Variants in CADM4 observed in about 807,000 individuals in gnomAD.
The protein encoded by CADM4 is TSLC1-like 2.
Under a neutral mutation model 43.9 loss-of-function variants are expected in CADM4, and 13 were observed. The observed-to-expected ratio is 0.30, with a 90% CI of 0.19 to 0.47. CADM4 has a LOEUF of 0.47. Among genes scored for constraint, CADM4 ranks in the 20% least tolerant of loss-of-function variants. The pLI is 1.00. For missense variants in CADM4, 420 were observed against 527.0 expected (o/e 0.80, Z 1.99); for synonymous variants, 209 against 220.9 (o/e 0.95, Z 0.48).
chr19:43,627,227 G>A lies in CADM4; in HGVS notation c.303C>T (p.Gly101=), dbSNP rs1195700837. ...CTTCTGTGTAGAGCTGGCAGAAATA[G>A]CCCCCCTCGTCCTCCAGGCGGGCAT... is the stretch of plus-strand genomic sequence containing the variant. ...LSDARLEDEG[G]YFCQLYTEDT... Residue 101 remains glycine, a synonymous_variant, in exon 3 of 9, where the codon GGC becomes GGT. Transcript: ENST00000222374. The surrounding 1 kb of genome is among the most constrained non-coding windows in gnomAD (Gnocchi z 4.0). 3.7e-6 allele frequency: 6 copies of A among 1,603,432 alleles called. No homozygotes were observed. The highest frequency in any genetic ancestry group is 5.1e-6 in the Non-Finnish European group (6 of 1,174,608).
chr19:43,624,371 A>T, intron 7 of CADM4, 129 bp from the exon 8 acceptor site: 1 of 1,107,108 alleles, frequency 9.0e-7, no homozygotes, highest in South Asian at 1.5e-5. Flanking sequence ...ACCCCTCAAA[A>T]ATTACTGCCA....
intron 8 of CADM4, 50 bp downstream of exon 8, chr19:43,624,064 C>A: frequency 6.2e-7 from 1 of 1,604,560 alleles, no homozygotes; most frequent in Admixed American, 1.7e-5. Context: ...CCGCCTCTTT[C>A]CGAGCCCTAC....
intron 1 of CADM4, among the ~76,000 whole-genome samples, chr19:43,628,829 A>G (rs1600097748): frequency 6.6e-6 from 1 of 152,222 alleles, no homozygotes; most frequent in Admixed American, 6.5e-5. Flanking sequence ...AGCCAGCACC[A>G]ATCGCCAGCT....
Position 43,639,249 on chromosome 19 carries a change from GAGGT to G in CADM4, c.64+474_64+477del, listed in dbSNP as rs567570178. On this transcript the variant is annotated intron_variant, in intron 1 of 8. Coordinates refer to ENST00000222374, the MANE Select transcript of CADM4 (RefSeq NM_145296.2). ...AAAAGGGGACAGAGACCAGGGGACA[GAGGT>G]AGGGGACAAAGACAGAATAGATGAG... is the stretch of plus-strand genomic sequence containing the variant. Among the ~76,000 whole-genome samples the G allele has an allele frequency of 1.3e-4, 19 of 151,990 alleles. 1 individual carries two copies. The East Asian group carries it at 3.7e-3, about 30-fold the overall frequency.
chr19:43,633,366 G>C (rs1006636926), intron 1 of CADM4, among the ~76,000 whole-genome samples: 1 of 151,956 alleles, frequency 6.6e-6, no homozygotes, highest in Non-Finnish European at 1.5e-5. Flanking sequence ...GAGCCACTGC[G>C]CCTGGCCCAG....
chr19:43,625,906 C>G lies in CADM4; in HGVS notation c.755+5G>C. On this transcript the variant is annotated splice_donor_5th_base_variant and intron_variant, in intron 6 of 8. Coordinates refer to ENST00000222374, the MANE Select transcript of CADM4 (RefSeq NM_145296.2). This position sits in a 1 kb window ranked among gnomAD's most constrained non-coding sequence, Gnocchi z 4.5. ...CTGAGGACGCAGGAGGCCCCCAGAG[C>G]TCACCTGGGGTTCCCCGTGACAGCA... 1 of 1,613,276 alleles carries G rather than the reference C, an allele frequency of 6.2e-7. No individual in the cohort carries two copies. Among genetic ancestry groups the G allele is most frequent in the Non-Finnish European group, 8.5e-7 (1 of 1,179,246 alleles).
rs1312573657 is a variant in CADM4 at position 43,624,314 on chromosome 19, TTTTAAGCCA to T, written c.929-81_929-73del. 4 of 1,601,634 alleles carry T rather than the reference TTTTAAGCCA, an allele frequency of 2.5e-6. No individual in the cohort carries two copies. In the Admixed American group the frequency reaches 6.7e-5, roughly 27 times the overall value. ...CAGTCTGGCCCCATCGCTGCCAAGC[TTTTAAGCCA>T]TTCTGCACACGTCTAACCGTGCCCT... is the stretch of plus-strand genomic sequence containing the variant. On this transcript the variant is annotated intron_variant, in intron 7 of 8. Transcript: ENST00000222374.
At chr19:43,639,851 GCCCGCCCCGCCCCCCGCGC>G (rs1438670307), upstream of CADM4, 1 of 975,156 alleles carries the variant, frequency 1.0e-6, no homozygotes, top group Non-Finnish European at 1.2e-6. Context: ...CGCCCGCGCC[GCCCGCCCCGCCCCCCGCGC>G]CCCGCCCCCT....
chr19:43,627,055 C>T lies in CADM4; in HGVS notation c.364+111G>A, dbSNP rs745837652. 2 of 1,481,484 alleles carry T rather than the reference C, an allele frequency of 1.3e-6. No individual in the cohort carries two copies. The highest frequency in any genetic ancestry group is 1.8e-6 in the Non-Finnish European group (2 of 1,104,526). The allele number at this position is 1,481,484 out of a possible 1,614,324, so 91.8% of individuals were successfully genotyped here. ...GGGTCAAAGGGGAGAGGTCAGGAGC[C>T]AGATGCCCATCCAGGATGTTAAAAA... On this transcript the variant is annotated intron_variant, in intron 3 of 8. Coordinates refer to ENST00000222374, the MANE Select transcript of CADM4 (RefSeq NM_145296.2). The surrounding 1 kb of genome is among the most constrained non-coding windows in gnomAD (Gnocchi z 4.0).
At chr19:43,632,901 G>A (rs1054817017) in intron 1 of CADM4, among the ~76,000 whole-genome samples, 3 of 151,720 alleles carry the variant, frequency 2.0e-5, no homozygotes, top group Non-Finnish European at 4.4e-5. Context: ...CCTGGCCAAC[G>A]TGGCGAAACC....
Position 43,627,600 on chromosome 19 carries a change from C to T in CADM4, c.211+44G>A, listed in dbSNP as rs758894637. The T allele has an allele frequency of 1.6e-5, 25 of 1,581,112 alleles. No homozygotes were observed. The South Asian group carries it at 2.8e-4, about 18-fold the overall frequency. On this transcript the variant is annotated intron_variant, in intron 2 of 8. Transcript: ENST00000222374. This position sits in a 1 kb window ranked among gnomAD's most constrained non-coding sequence, Gnocchi z 4.0. ...AGGACATGGGAGCCTGGGCCCCAGC[C>T]CTCTCTTCCTTTAAGACTCCTGAGT...
At chr19:43,637,229 C>T (rs1168634007) in intron 1 of CADM4, among the ~76,000 whole-genome samples, 1 of 152,138 alleles carries the variant, frequency 6.6e-6, no homozygotes, top group Non-Finnish European at 1.5e-5. Context: ...CGCAAATGCA[C>T]CCCATCTCCC....
chr19:43,632,827 T>TTAA, intron 1 of CADM4, among the ~76,000 whole-genome samples: 1 of 151,938 alleles, frequency 6.6e-6, no homozygotes, highest in African/African-American at 2.4e-5. Flanking sequence ...CTCACGCCTG[T>TTAA]AATACCAGCA....
chr19:43,626,239 T>G lies in CADM4; in HGVS notation c.549A>C (p.Thr183=), dbSNP rs1222437244. The change falls in exon 5 of 9, where the codon ACA becomes ACC. Residue 183 remains threonine, a synonymous_variant. Transcript: ENST00000222374. The surrounding 1 kb of genome is among the most constrained non-coding windows in gnomAD (Gnocchi z 5.9). ...CCTTACGGTCCACACGAAACCGTAC[T>G]GTGCTTGCCACGCTCCAGACCTTGC... ...ENGKVWSVAS[T]VRFRVDRKDD... is the part of the protein sequence containing the mutation. 3 of 1,613,404 alleles carry G rather than the reference T, an allele frequency of 1.9e-6. No homozygotes were observed. The highest frequency in any genetic ancestry group is 2.5e-6 in the Non-Finnish European group (3 of 1,180,020).
intron 1 of CADM4, among the ~76,000 whole-genome samples, chr19:43,638,171 C>T (rs1341661863): frequency 1.3e-5 from 2 of 152,144 alleles, no homozygotes; most frequent in Non-Finnish European, 2.9e-5. Context: ...CAGCTTTGCC[C>T]CTCATCCTGG....
chr19:43,638,659 G>A (rs535792077), intron 1 of CADM4, among the ~76,000 whole-genome samples: 1 of 152,374 alleles, frequency 6.6e-6, no homozygotes, highest in South Asian at 2.1e-4. Flanking sequence ...TGTGATGAGG[G>A]TATGTGGATG....
chr19:43,635,349 G>A (rs151215463), intron 1 of CADM4, among the ~76,000 whole-genome samples: 34 of 151,554 alleles, frequency 2.2e-4, no homozygotes, highest in African/African-American at 6.3e-4. Flanking sequence ...GGCGGAGTCC[G>A]AACATCCTCG....
At chr19:43,630,228 G>A (rs1375947490) in intron 1 of CADM4, among the ~76,000 whole-genome samples, 1 of 145,280 alleles carries the variant, frequency 6.9e-6, no homozygotes, top group East Asian at 2.1e-4. Flanking sequence ...TCCCCATTTT[G>A]CCCGGCCTGC....
chr19:43,628,388 T>G (rs574506562), intron 1 of CADM4, among the ~76,000 whole-genome samples: 45 of 150,320 alleles, frequency 3.0e-4, no homozygotes, highest in South Asian at 1.1e-3. Context: ...TGAGCCGAGA[T>G]GGAGCCACTG....
Sources: allele counts gnomAD v4.1 joint callset (sites outside exome capture counted in the v4.1 genomes callset), GRCh38; gene constraint gnomAD v4.1.1; non-coding constraint Gnocchi (gnomAD v3.1); transcripts MANE v1.5; gene names NCBI Gene and HGNC (gene_info 2026-07-23, HGNC 2026-07-21).